BACH2: variants seen among roughly 807,000 people sequenced by gnomAD.
The protein encoded by BACH2 is BACH transcriptional regulator 2.
BACH2 carries 5 observed loss-of-function variants against 61.8 expected under a neutral mutation model. The ratio of observed to expected loss-of-function variants is 0.08; its 90% CI spans 0.04 to 0.17. BACH2 has a LOEUF of 0.17. Among genes scored for constraint, BACH2 ranks in the 10% least tolerant of loss-of-function variants. The probability of loss-of-function intolerance (pLI) is 1.00; values close to 1 mark genes in which losing one functional copy is unlikely to be tolerated. For missense variants in BACH2, 824 were observed against 1,091.1 expected (o/e 0.76, Z 3.45); for synonymous variants, 446 against 440.1 (o/e 1.01, Z -0.17).
At chr6:90,112,260 A>T (rs1783205251) in intron 4 of BACH2, among the ~76,000 whole-genome samples, 1 of 152,194 alleles carries the variant, frequency 6.6e-6, no homozygotes, top group Non-Finnish European at 1.5e-5. Flanking sequence ...GGCTCCTGCA[A>T]GATTGTACAC....
At chr6:90,296,147 T>G (rs574440273) in intron 1 of BACH2, among the ~76,000 whole-genome samples, 6 of 152,002 alleles carry the variant, frequency 3.9e-5, no homozygotes, top group South Asian at 2.1e-4. Context: ...CCTGACTTAT[T>G]ACTCTCTGCT....
chr6:90,276,700 C>T (rs1269883423), intron 1 of BACH2, among the ~76,000 whole-genome samples: 1 of 152,096 alleles, frequency 6.6e-6, no homozygotes, highest in Admixed American at 6.5e-5. Flanking sequence ...ACCTTCCTGC[C>T]ATTTAACCCA....
At chr6:90,080,932 T>C (rs930336124) in intron 5 of BACH2, among the ~76,000 whole-genome samples, 13 of 152,158 alleles carry the variant, frequency 8.5e-5, no homozygotes, top group Non-Finnish European at 1.8e-4. Context: ...ACTTCTGACT[T>C]GTGTTGTAAA....
rs193219461 is a variant in BACH2, at chr6:90,237,388, G to T, written c.-275+15125C>A. 8.6e-3 allele frequency among the ~76,000 whole-genome samples: 1,303 copies of T among 152,290 alleles called. 19 individuals carry two copies. Among genetic ancestry groups the T allele is most frequent in the Non-Finnish European group, 0.015 (998 of 68,012 alleles). On this transcript the variant is annotated intron_variant, in intron 3 of 8. Transcript: ENST00000257749. ...TGTCTGTCAACTTTGTAGGCTAAAT[G>T]AAAGTTCCAGGTTGTCAGACCCAGT...
At chr6:89,970,054 T>A (rs777428021) in intron 6 of BACH2, among the ~76,000 whole-genome samples, 8 of 152,142 alleles carry the variant, frequency 5.3e-5, no homozygotes, top group Non-Finnish European at 1.0e-4. Context: ...AGAAGGCATT[T>A]CAGAAAGTCA....
At position 90,112,881 on chromosome 6, in the gene BACH2, T is replaced by C. The variant is rs553613217; in HGVS notation, c.-161-23772A>G. Among the ~76,000 whole-genome samples the C allele has an allele frequency of 8.1e-4, 123 of 152,246 alleles. 1 individual carries two copies. In the South Asian group the frequency reaches 0.016, roughly 19 times the overall value. On this transcript the variant is annotated intron_variant, in intron 4 of 8. Coordinates refer to ENST00000257749, the MANE Select transcript of BACH2 (RefSeq NM_021813.4). The stretch of plus-strand genomic sequence containing the variant: ...CCCATCTCACACTTAATGACACTCA[T>C]AGGCTCAAAATAAAAGGATGGAGAA...
At chr6:90,036,367 G>A (rs541432754) in intron 5 of BACH2, among the ~76,000 whole-genome samples, 4 of 152,058 alleles carry the variant, frequency 2.6e-5, no homozygotes, top group Non-Finnish European at 5.9e-5. Context: ...CCTTGTTAAA[G>A]TAGCAGACAT....
At chr6:90,149,756 T>C (rs551976124) in intron 4 of BACH2, among the ~76,000 whole-genome samples, 6 of 152,118 alleles carry the variant, frequency 3.9e-5, no homozygotes, top group Non-Finnish European at 8.8e-5. Context: ...AAATGTGGGG[T>C]CCTTTCCTTC....
intron 4 of BACH2, among the ~76,000 whole-genome samples, chr6:90,094,967 C>T (rs927978629): frequency 4.6e-5 from 7 of 152,120 alleles, no homozygotes; most frequent in South Asian, 2.1e-4. Flanking sequence ...TCTAAAAATA[C>T]AAATTGCATT....
At chr6:90,098,879 A>G (rs1002050989) in intron 4 of BACH2, among the ~76,000 whole-genome samples, 24 of 152,082 alleles carry the variant, frequency 1.6e-4, no homozygotes, top group East Asian at 1.4e-3. Flanking sequence ...CCTCTCCCCA[A>G]TTCAGCTGGC....
intron 4 of BACH2, among the ~76,000 whole-genome samples, chr6:90,169,117 C>T (rs1310085576): frequency 6.6e-6 from 1 of 150,662 alleles, no homozygotes; most frequent in African/African-American, 2.5e-5. Flanking sequence ...TTTGGAGCTG[C>T]AGGTATATAA....
intron 4 of BACH2, among the ~76,000 whole-genome samples, chr6:90,199,537 G>A (rs1391764173): frequency 6.6e-6 from 1 of 152,068 alleles, no homozygotes; most frequent in Non-Finnish European, 1.5e-5. Flanking sequence ...CAATTACATG[G>A]TAAGTTGTAT....
intron 6 of BACH2, chr6:89,952,072 G>A (rs1337089012): frequency 1.3e-5 from 8 of 603,138 alleles, no homozygotes; most frequent in Non-Finnish European, 2.3e-5. Context: ...CTCCATCACA[G>A]CACAGGCAGA....
At chr6:90,200,103 G>A (rs1398341744) in intron 4 of BACH2, among the ~76,000 whole-genome samples, 1 of 152,238 alleles carries the variant, frequency 6.6e-6, no homozygotes, top group African/African-American at 2.4e-5. Flanking sequence ...ACACATCCCA[G>A]AAGTGATGTC....
intron 5 of BACH2, among the ~76,000 whole-genome samples, chr6:90,011,517 TTA>T (rs1168447798): frequency 2.6e-5 from 4 of 152,222 alleles, no homozygotes; most frequent in Admixed American, 2.6e-4. Flanking sequence ...TTTACTATTT[TTA>T]TGTTTGTCTA....
chr6:90,184,960 T>C (rs564395959), intron 4 of BACH2, among the ~76,000 whole-genome samples: 2 of 152,300 alleles, frequency 1.3e-5, no homozygotes, highest in African/African-American at 4.8e-5. Flanking sequence ...TGTGGCACTG[T>C]AGAGTGAGTT....
intron 6 of BACH2, among the ~76,000 whole-genome samples, chr6:89,967,669 A>T (rs1445192480): frequency 6.6e-6 from 1 of 152,204 alleles, no homozygotes; most frequent in African/African-American, 2.4e-5. Flanking sequence ...TTCTTTCTTT[A>T]ACAAGCGTGG....
intron 4 of BACH2, among the ~76,000 whole-genome samples, chr6:90,149,203 T>C (rs1784726251): frequency 6.6e-6 from 1 of 152,172 alleles, no homozygotes; most frequent in East Asian, 1.9e-4. Flanking sequence ...GTAAGAAAAT[T>C]AGGACAACAG....
chr6:90,185,134 G>T (rs1768309730), intron 4 of BACH2, among the ~76,000 whole-genome samples: 1 of 152,198 alleles, frequency 6.6e-6, no homozygotes, highest in Non-Finnish European at 1.5e-5. Flanking sequence ...AGCCTGATAA[G>T]TCAATGGGGG....
Sources: gnomAD v4.1 joint callset for allele counts (sites outside exome capture counted in the v4.1 genomes callset) on GRCh38, gnomAD v4.1.1 for gene constraint, MANE v1.5 for transcripts, NCBI Gene and HGNC (gene_info 2026-07-23, HGNC 2026-07-21) for gene names.